The following ONECUT3 variants were observed in gnomAD, a reference collection of about 807,000 sequenced individuals.
The protein encoded by ONECUT3 is one cut homeobox 3.
Under a neutral mutation model 16.8 loss-of-function variants are expected in ONECUT3, and 11 were observed. The ratio of observed to expected loss-of-function variants is 0.66; its 90% CI spans 0.41 to 1.09. The LOEUF (loss-of-function observed/expected upper bound fraction) is 1.09, where lower values mean the gene tolerates loss of function less well. ONECUT3 is among the 50% of genes least tolerant of loss of function. The pLI, the probability that ONECUT3 is intolerant of heterozygous loss-of-function variation, is 0.00. For synonymous variants in ONECUT3, 344 were observed against 310.7 expected (o/e 1.11, Z -1.13); for missense variants, 637 against 629.9 (o/e 1.01, Z -0.12).
chr19:1,764,628 A>G lies in ONECUT3; in HGVS notation c.1192+9774A>G, dbSNP rs1366423133. On this transcript the variant is annotated intron_variant, in intron 1 of 1. Coordinates refer to ENST00000382349, the MANE Select transcript of ONECUT3 (RefSeq NM_001080488.2). The surrounding 1 kb of genome is among the most constrained non-coding windows in gnomAD (Gnocchi z 5.0). ...CACGCCTGGGGCATGACTCAGCCCC[A>G]TCTCCTTGGAGAAGGTTCCACTGCC... Among the ~76,000 whole-genome samples the G allele has an allele frequency of 1.3e-5, 2 of 152,074 alleles. No individual in the cohort carries two copies. The highest frequency in any genetic ancestry group is 2.9e-5 in the Non-Finnish European group (2 of 68,000).
At chr19:1,768,135 A>G (rs12980149) in intron 1 of ONECUT3, among the ~76,000 whole-genome samples, 6,596 of 152,040 alleles carry the variant, frequency 0.043, 184 homozygotes, top group Middle Eastern at 0.099. Flanking sequence ...CCCTCACTCA[A>G]TGGGGCCCCT....
In ONECUT3 at chr19:1,775,137, C is replaced by CCCCCCCCCCCCCCCCCCCG; in HGVS notation, c.1193-16_1193-15insCCCCCCCCCCCCCCCCCCG. 7.4e-7 allele frequency: 1 copy of CCCCCCCCCCCCCCCCCCCG among 1,342,916 alleles called. No homozygotes were observed. Among genetic ancestry groups the CCCCCCCCCCCCCCCCCCCG allele is most frequent in the Non-Finnish European group, 1.0e-6 (1 of 1,000,312 alleles). 83.2% of individuals were successfully genotyped at this position (1,342,916 alleles called of 1,614,324 possible). A position where few individuals can be genotyped will look rare whatever the true frequency, so the allele number is the denominator to read the frequency against. On this transcript the variant is annotated splice_polypyrimidine_tract_variant and intron_variant, in intron 1 of 1. Transcript: ENST00000382349. ...GCTGTGTCCCGCTCGCCCGCCCGCC[C>CCCCCCCCCCCCCCCCCCCG]GCCGCTCGCCCGCAGCCTGCAAGCG... is the stretch of plus-strand genomic sequence containing the variant.
At position 1,754,913 on chromosome 19, in the gene ONECUT3, C is replaced by T. The variant is rs925884700; in HGVS notation, c.1192+59C>T. 5 of 1,292,594 alleles carry T rather than the reference C, an allele frequency of 3.9e-6. No homozygotes were observed. The Admixed American group carries it at 1.7e-4, about 43-fold the overall frequency. 80.1% of individuals were successfully genotyped at this position (1,292,594 alleles called of 1,614,324 possible). A position where few individuals can be genotyped will look rare whatever the true frequency, so the allele number is the denominator to read the frequency against. ...GGCGCCGGCTCTGGACTCCCGAGCA[C>T]CTAGCGGGGCGGCGGCCGATGCCCG... On this transcript the variant is annotated intron_variant, in intron 1 of 1. Coordinates refer to ENST00000382349, the MANE Select transcript of ONECUT3 (RefSeq NM_001080488.2). The surrounding 1 kb of genome is among the most constrained non-coding windows in gnomAD (Gnocchi z 7.4).
intron 1 of ONECUT3, among the ~76,000 whole-genome samples, chr19:1,773,534 G>C (rs574096955): frequency 1.8e-4 from 28 of 152,148 alleles, no homozygotes; most frequent in Non-Finnish European, 3.7e-4. Flanking sequence ...TCATGTTCCA[G>C]GCTGTTCTGC....
Position 1,765,785 on chromosome 19 carries a change from G to A in ONECUT3, c.1193-9368G>A, listed in dbSNP as rs115344620. ...GTGCGCGTTCAAGGCCACTCGGCCC[G>A]CAGAGCCCACCCGCGTCCCCATGGC... On this transcript the variant is annotated intron_variant, in intron 1 of 1. Transcript: ENST00000382349. Among the ~76,000 whole-genome samples, 780 of 152,310 alleles carry A rather than the reference G, an allele frequency of 5.1e-3. 5 individuals carry two copies. The highest frequency in any genetic ancestry group is 0.017 in the African/African-American group (722 of 41,566).
chr19:1,754,679 C>T lies in ONECUT3; in HGVS notation c.1017C>T (p.Ile339=), dbSNP rs1018696757. 11 of 1,530,644 alleles carry T rather than the reference C, an allele frequency of 7.2e-6. No homozygotes were observed. The highest frequency in any genetic ancestry group is 2.6e-5 in the East Asian group (1 of 38,172). The allele number at this position is 1,530,644 out of a possible 1,614,324, so 94.8% of individuals were successfully genotyped here. A position where few individuals can be genotyped will look rare whatever the true frequency, so the allele number is the denominator to read the frequency against. ...CGGCGGAGCTGAAGCGCTACAGCAT[C>T]CCGCAGGCAATCTTCGCGCAGCGGA... ...RITAELKRYS[I]PQAIFAQRIL... Residue 339 remains isoleucine, a synonymous_variant, in exon 1 of 2, where the codon ATC becomes ATT. Transcript: ENST00000382349. This position sits in a 1 kb window ranked among gnomAD's most constrained non-coding sequence, Gnocchi z 7.4.
At position 1,759,773 on chromosome 19, in the gene ONECUT3, G is replaced by A. The variant is rs2067936360; in HGVS notation, c.1192+4919G>A. Among the ~76,000 whole-genome samples, 1 of 152,164 alleles carries A rather than the reference G, an allele frequency of 6.6e-6. No homozygotes were observed. The highest frequency in any genetic ancestry group is 1.5e-5 in the Non-Finnish European group (1 of 68,026). The stretch of plus-strand genomic sequence containing the variant: ...GCAGAATGAAATGACGCCTAGGAGA[G>A]GGGGTATGAGGGGCTGGAGGGGCTC... On this transcript the variant is annotated intron_variant, in intron 1 of 1. Coordinates refer to ENST00000382349, the MANE Select transcript of ONECUT3 (RefSeq NM_001080488.2). The surrounding 1 kb of genome is among the most constrained non-coding windows in gnomAD (Gnocchi z 4.1).
At chr19:1,768,341 CTGAG>C (rs1182033731) in intron 1 of ONECUT3, among the ~76,000 whole-genome samples, 4 of 151,982 alleles carry the variant, frequency 2.6e-5, no homozygotes, top group Non-Finnish European at 2.9e-5. Flanking sequence ...TGCAAAGGAG[CTGAG>C]TGAGTGAGGC....
At position 1,754,894 on chromosome 19, in the gene ONECUT3, G is replaced by T. The variant is rs2067908451; in HGVS notation, c.1192+40G>T. The T allele has an allele frequency of 8.2e-6, 11 of 1,347,458 alleles. No homozygotes were observed. The South Asian group carries it at 1.7e-4, about 21-fold the overall frequency. 83.5% of individuals were successfully genotyped at this position (1,347,458 alleles called of 1,614,324 possible). The stretch of plus-strand genomic sequence containing the variant: ...CGCAGGGCCAGACCCTGGGGGCGCC[G>T]GCTCTGGACTCCCGAGCACCTAGCG... On this transcript the variant is annotated intron_variant, in intron 1 of 1. Coordinates refer to ENST00000382349, the MANE Select transcript of ONECUT3 (RefSeq NM_001080488.2). The surrounding 1 kb of genome is among the most constrained non-coding windows in gnomAD (Gnocchi z 7.4).
Position 1,754,283 on chromosome 19 carries a change from GC to G in ONECUT3, c.624del (p.Ala209ArgfsTer126). 9.5e-7 allele frequency: 1 copy of G among 1,056,388 alleles called. No homozygotes were observed. 65.4% of individuals were successfully genotyped at this position (1,056,388 alleles called of 1,614,324 possible). On this transcript the variant is annotated frameshift_variant, in exon 1 of 2. Transcript: ENST00000382349. LOFTEE classifies it high-confidence loss of function. This position sits in a 1 kb window ranked among gnomAD's most constrained non-coding sequence, Gnocchi z 7.4. ...PLSPLPNALP[P>X]ALHGAPQPPP... ...TGTCGCCGCTGCCCAACGCGCTGCC[GC>G]CCGCGCTGCACGGCGCCCCGCAGCC...
In ONECUT3 at chr19:1,775,584, GGGA is replaced by G; in HGVS notation, c.*142_*144del. ...GTGCTATCCGGGCCCCCCACACCCG[GGGA>G]GGGGGAAGCAGCACACCCCCCAGCC... On this transcript the variant is annotated 3_prime_UTR_variant, in exon 2 of 2. Coordinates refer to ENST00000382349, the MANE Select transcript of ONECUT3 (RefSeq NM_001080488.2). 1 of 775,492 alleles carries G rather than the reference GGGA, an allele frequency of 1.3e-6. No individual in the cohort carries two copies. Among genetic ancestry groups the G allele is most frequent in the Non-Finnish European group, 1.9e-6 (1 of 524,538 alleles). 48.0% of individuals were successfully genotyped at this position (775,492 alleles called of 1,614,324 possible).
intron 1 of ONECUT3, among the ~76,000 whole-genome samples, chr19:1,768,229 G>C (rs901367437): frequency 2.0e-5 from 3 of 151,802 alleles, no homozygotes; most frequent in Non-Finnish European, 4.4e-5. Flanking sequence ...AGGGGTGTTG[G>C]GGTAGCCTCG....
In ONECUT3 at chr19:1,758,527, T is replaced by A. The variant is rs2067929893; in HGVS notation, c.1192+3673T>A. Among the ~76,000 whole-genome samples, 1 of 152,164 alleles carries A rather than the reference T, an allele frequency of 6.6e-6. No homozygotes were observed. Among genetic ancestry groups the A allele is most frequent in the Admixed American group, 6.5e-5 (1 of 15,288 alleles). ...TCCCGGCCCCACTGCCCGTTCTGCG[T>A]GCCTCAGTTTACCCATCTGTAAAAT... On this transcript the variant is annotated intron_variant, in intron 1 of 1. Coordinates refer to ENST00000382349, the MANE Select transcript of ONECUT3 (RefSeq NM_001080488.2). This position sits in a 1 kb window ranked among gnomAD's most constrained non-coding sequence, Gnocchi z 5.9.
Position 1,762,746 on chromosome 19 carries a change from G to A in ONECUT3, c.1192+7892G>A, listed in dbSNP as rs1210142807. Among the ~76,000 whole-genome samples the A allele has an allele frequency of 2.4e-5, 2 of 82,582 alleles. No individual in the cohort carries two copies. Among genetic ancestry groups the A allele is most frequent in the African/African-American group, 9.6e-5 (2 of 20,836 alleles). The allele number at this position is 82,582 out of a possible 152,430, so 54.2% of individuals were successfully genotyped here. A position where few individuals can be genotyped will look rare whatever the true frequency, so the allele number is the denominator to read the frequency against. Reference sequence around the variant, plus strand: ...AGCAGGCACCCACCATCCCACCCCCGCATCCCACCCCAGGGGAAACCGCGC... The same window carrying A: ...AGCAGGCACCCACCATCCCACCCCCACATCCCACCCCAGGGGAAACCGCGC... On this transcript the variant is annotated intron_variant, in intron 1 of 1. Coordinates refer to ENST00000382349, the MANE Select transcript of ONECUT3 (RefSeq NM_001080488.2). This position sits in a 1 kb window ranked among gnomAD's most constrained non-coding sequence, Gnocchi z 4.4.
Position 1,755,810 on chromosome 19 carries a change from C to A in ONECUT3, c.1192+956C>A, listed in dbSNP as rs984925228. On this transcript the variant is annotated intron_variant, in intron 1 of 1. Coordinates refer to ENST00000382349, the MANE Select transcript of ONECUT3 (RefSeq NM_001080488.2). The surrounding 1 kb of genome is among the most constrained non-coding windows in gnomAD (Gnocchi z 7.5). ...TGGGGACCCTCCTCCCTCCTCCCTC[C>A]CAGCTGACAACAGCTAAGTCCACAC... Among the ~76,000 whole-genome samples, 2 of 152,348 alleles carry A rather than the reference C, an allele frequency of 1.3e-5. No individual in the cohort carries two copies. The highest frequency in any genetic ancestry group is 4.8e-5 in the African/African-American group (2 of 41,590).
At chr19:1,774,644 T>C (rs1447502284) in intron 1 of ONECUT3, among the ~76,000 whole-genome samples, 1 of 148,866 alleles carries the variant, frequency 6.7e-6, no homozygotes, top group East Asian at 2.0e-4. Flanking sequence ...TATCAATTTC[T>C]GTGGTCCTTT....
chr19:1,770,078 C>T (rs146838155), intron 1 of ONECUT3, among the ~76,000 whole-genome samples: 2 of 152,082 alleles, frequency 1.3e-5, no homozygotes, highest in African/African-American at 2.4e-5. Flanking sequence ...AAGGAGAAAA[C>T]CCCCTGCCTT....
Position 1,754,771 on chromosome 19 carries a change from A to T in ONECUT3, c.1109A>T (p.Lys370Ile). 1.3e-6 allele frequency: 2 copies of T among 1,566,690 alleles called. No homozygotes were observed. Among genetic ancestry groups the T allele is most frequent in the Non-Finnish European group, 8.6e-7 (1 of 1,158,434 alleles). ...AACCCCAAGCCGTGGAGCAAGCTCA[A>T]ATCCGGCCGCGAGACCTTCCGCAGG... ...LRNPKPWSKL[K>I]SGRETFRRMW... Residue 370 changes from lysine (K) to isoleucine (I), a missense_variant, in exon 1 of 2, where the codon AAA (lysine) becomes ATA (isoleucine). Physicochemically the swap from Lys to Ile is moderately radical, Grantham distance 102. This residue lies in a region of ONECUT3 where 183 missense variants were observed against 188.3 expected (regional missense o/e 0.97). Coordinates refer to ENST00000382349, the MANE Select transcript of ONECUT3 (RefSeq NM_001080488.2). The surrounding 1 kb of genome is among the most constrained non-coding windows in gnomAD (Gnocchi z 7.4).
rs746883246 is a variant in ONECUT3 at position 1,775,423 on chromosome 19, C to G, written c.1463C>G (p.Thr488Arg). 6.6e-7 allele frequency: 1 copy of G among 1,526,338 alleles called. No homozygotes were observed. The highest frequency in any genetic ancestry group is 8.8e-7 in the Non-Finnish European group (1 of 1,138,716). The allele number at this position is 1,526,338 out of a possible 1,614,324, so 94.5% of individuals were successfully genotyped here. A position where few individuals can be genotyped will look rare whatever the true frequency, so the allele number is the denominator to read the frequency against. The change falls in exon 2 of 2, where the codon ACG becomes AGG. Residue 488 changes from threonine (T) to arginine (R), a missense_variant. Around this residue, in one of 3 missense-constraint regions of ONECUT3, gnomAD observed 183 missense variants for 188.3 expected, o/e 0.97. Transcript: ENST00000382349. ...STAPGGPAGA[T>R]ATFSKA ...GCCCCCGGGGGCCCCGCCGGCGCCACGGCCACTTTCTCCAAGGCCTGAGGC... is the reference window on the plus strand; with the variant it reads ...GCCCCCGGGGGCCCCGCCGGCGCCAGGGCCACTTTCTCCAAGGCCTGAGGC...
Sources: allele counts gnomAD v4.1 joint callset (sites outside exome capture counted in the v4.1 genomes callset), GRCh38; gene constraint gnomAD v4.1.1; regional missense constraint gnomAD v4.1.1; non-coding constraint Gnocchi (gnomAD v3.1); transcripts MANE v1.5; gene names NCBI Gene and HGNC (gene_info 2026-07-23, HGNC 2026-07-21).